FBXL7: variants seen among roughly 807,000 people sequenced by gnomAD.
FBXL7 encodes F-box/LRR-repeat protein 7.
In FBXL7, 12 loss-of-function variants were observed where a neutral mutation model predicts 38.3. The observed-to-expected ratio is 0.31, with a 90% confidence interval of 0.20 to 0.51. The LOEUF (loss-of-function observed/expected upper bound fraction) is 0.51. Among genes scored for constraint, FBXL7 ranks in the 20% least tolerant of loss-of-function variants. The probability of loss-of-function intolerance (pLI) is 0.98; values close to 1 mark genes in which losing one functional copy is unlikely to be tolerated. For missense variants in FBXL7, 567 were observed against 676.4 expected (o/e 0.84, Z 1.79); for synonymous variants, 297 against 300.9 (o/e 0.99, Z 0.13).
intron 1 of FBXL7, among the ~76,000 whole-genome samples, chr5:15,587,657 C>T (rs1314826079): frequency 1.3e-5 from 2 of 151,978 alleles, no homozygotes; most frequent in Non-Finnish European, 2.9e-5. Context: ...ACTAAGGTAC[C>T]TCAAATTTAA....
intron 2 of FBXL7, among the ~76,000 whole-genome samples, chr5:15,889,331 G>T (rs1740808390): frequency 6.6e-6 from 1 of 152,154 alleles, no homozygotes; most frequent in South Asian, 2.1e-4. Context: ...AAGATTCCTT[G>T]CTGTGTGACT....
intron 2 of FBXL7, among the ~76,000 whole-genome samples, chr5:15,826,697 G>T (rs943463397): frequency 6.6e-6 from 1 of 152,162 alleles, no homozygotes; most frequent in African/African-American, 2.4e-5. Flanking sequence ...GGGATTACAC[G>T]CATGATCCAC....
At chr5:15,525,565 G>T (rs1737228324) in intron 1 of FBXL7, among the ~76,000 whole-genome samples, 1 of 152,152 alleles carries the variant, frequency 6.6e-6, no homozygotes, top group African/African-American at 2.4e-5. Flanking sequence ...TTGCTTTCCA[G>T]GATAGGGCTT....
At chr5:15,777,343 G>A (rs1159441742) in intron 2 of FBXL7, among the ~76,000 whole-genome samples, 1 of 151,988 alleles carries the variant, frequency 6.6e-6, no homozygotes, top group Non-Finnish European at 1.5e-5. Flanking sequence ...TGTAGCATTT[G>A]AATCTTAACT....
chr5:15,728,656 T>C (rs1471125420), intron 2 of FBXL7, among the ~76,000 whole-genome samples: 1 of 152,174 alleles, frequency 6.6e-6, no homozygotes, highest in Non-Finnish European at 1.5e-5. Context: ...ACTAAAATTA[T>C]GTTTCTGAAT....
At chr5:15,546,594 G>T (rs1194629264) in intron 1 of FBXL7, among the ~76,000 whole-genome samples, 1 of 151,738 alleles carries the variant, frequency 6.6e-6, no homozygotes, top group East Asian at 2.0e-4. Context: ...AGCTGGGTGT[G>T]GTGGCAGGCA....
chr5:15,869,576 C>T (rs1739863383), intron 2 of FBXL7, among the ~76,000 whole-genome samples: 2 of 152,130 alleles, frequency 1.3e-5, no homozygotes, highest in Admixed American at 1.3e-4. Context: ...AAATCCTTCT[C>T]TAAATAGCAG....
chr5:15,584,189 C>T (rs1010653103), intron 1 of FBXL7, among the ~76,000 whole-genome samples: 2 of 152,154 alleles, frequency 1.3e-5, no homozygotes, highest in Non-Finnish European at 2.9e-5. Flanking sequence ...TCCTCCTAGT[C>T]CTCCAGGCCT....
intron 2 of FBXL7, among the ~76,000 whole-genome samples, chr5:15,800,479 A>C (rs1350857486): frequency 6.6e-6 from 1 of 152,208 alleles, no homozygotes; most frequent in Admixed American, 6.5e-5. Flanking sequence ...TGAAACAAAC[A>C]AACCAACTCT....
rs894318327 is a variant in FBXL7, at chr5:15,939,750, A to G, written c.*2564A>G. Reference sequence around the variant, plus strand: ...ATCACTGCGTGCTGTATGAATCTAGAAAGCCTTAATTTACTACCAAGAAAT... The same window carrying G: ...ATCACTGCGTGCTGTATGAATCTAGGAAGCCTTAATTTACTACCAAGAAAT... On this transcript the variant is annotated 3_prime_UTR_variant, in exon 4 of 4. Coordinates refer to ENST00000504595, the MANE Select transcript of FBXL7 (RefSeq NM_012304.5). 3 of 152,288 alleles carry G rather than the reference A, an allele frequency of 2.0e-5. No individual in the cohort carries two copies. The highest frequency in any genetic ancestry group is 6.6e-5 in the Admixed American group (1 of 15,262). 9.4% of individuals were successfully genotyped at this position (152,288 alleles called of 1,614,324 possible).
At chr5:15,774,477 A>G (rs1485667190) in intron 2 of FBXL7, among the ~76,000 whole-genome samples, 5 of 152,130 alleles carry the variant, frequency 3.3e-5, no homozygotes, top group African/African-American at 7.2e-5. Context: ...CTGCCTCCCT[A>G]TGAGTTTCTG....
chr5:15,613,051 G>GTTTTCCATTTGTGCATCTC (rs1386775874), intron 1 of FBXL7, among the ~76,000 whole-genome samples: 6 of 152,154 alleles, frequency 3.9e-5, no homozygotes, highest in African/African-American at 1.4e-4. Context: ...TTTATTTCTA[G>GTTTTCCATTTGTGCATCTC]TTTTCCATTT....
At chr5:15,606,486 A>G (rs1391730414) in intron 1 of FBXL7, among the ~76,000 whole-genome samples, 1 of 152,238 alleles carries the variant, frequency 6.6e-6, no homozygotes, top group Non-Finnish European at 1.5e-5. Flanking sequence ...CTCCAGTTAT[A>G]GACATGGGTA....
intron 2 of FBXL7, among the ~76,000 whole-genome samples, chr5:15,682,860 GA>G (rs768458071): frequency 1.2e-4 from 18 of 152,280 alleles, no homozygotes; most frequent in Admixed American, 5.2e-4. Flanking sequence ...TCAGATGCTG[GA>G]AAAATACTTT....
chr5:15,500,425 G>A lies in FBXL7; in HGVS notation c.-252G>A, dbSNP rs1293052876. The A allele has an allele frequency of 1.1e-5, 5 of 437,924 alleles. No individual in the cohort carries two copies. In the East Asian group the frequency reaches 1.4e-4, roughly 12 times the overall value. The allele number at this position is 437,924 out of a possible 1,614,324, so 27.1% of individuals were successfully genotyped here. Reference sequence around the variant, plus strand: ...GCTGTGCGCGGCGCTGCGCCCGCCGGCCCCCAGCGCGGATTGTAAGTGCTG... The same window carrying A: ...GCTGTGCGCGGCGCTGCGCCCGCCGACCCCCAGCGCGGATTGTAAGTGCTG... On this transcript the variant is annotated 5_prime_UTR_variant, in exon 1 of 4. Transcript: ENST00000504595.
At chr5:15,862,914 C>G (rs1343449626) in intron 2 of FBXL7, among the ~76,000 whole-genome samples, 1 of 152,214 alleles carries the variant, frequency 6.6e-6, no homozygotes, top group Non-Finnish European at 1.5e-5. Context: ...CATCCAAAAC[C>G]TGAGGCCAGT....
At chr5:15,715,418 G>A (rs1744015052) in intron 2 of FBXL7, among the ~76,000 whole-genome samples, 1 of 150,072 alleles carries the variant, frequency 6.7e-6, no homozygotes, top group Non-Finnish European at 1.5e-5. Context: ...TTGAACCTGG[G>A]AGTCGGAGTT....
At chr5:15,653,345 A>G (rs1042592772) in intron 2 of FBXL7, among the ~76,000 whole-genome samples, 4 of 152,204 alleles carry the variant, frequency 2.6e-5, no homozygotes, top group Non-Finnish European at 5.9e-5. Flanking sequence ...GCAAAGTTAC[A>G]GTAAAATGAA....
At chr5:15,818,857 G>A (rs1053286582) in intron 2 of FBXL7, among the ~76,000 whole-genome samples, 2 of 151,916 alleles carry the variant, frequency 1.3e-5, no homozygotes, top group African/African-American at 4.8e-5. Flanking sequence ...TTTCCTCACT[G>A]AATACATAAT....
Sources: gnomAD v4.1 joint callset for allele counts (sites outside exome capture counted in the v4.1 genomes callset) on GRCh38, gnomAD v4.1.1 for gene constraint, MANE v1.5 for transcripts, NCBI Gene and HGNC (gene_info 2026-07-23, HGNC 2026-07-21) for gene names.